AHCTF1: variants seen among roughly 807,000 people sequenced by gnomAD.
AHCTF1 encodes AT-hook containing transcription factor 1.
AHCTF1 carries 24 observed loss-of-function variants against 248.4 expected under a neutral mutation model. The ratio of observed to expected loss-of-function variants is 0.10; its 90% CI spans 0.07 to 0.14. The LOEUF is 0.14. Among genes scored for constraint, AHCTF1 ranks in the 10% least tolerant of loss-of-function variants. The pLI, the probability that AHCTF1 is intolerant of heterozygous loss-of-function variation, is 1.00. For synonymous variants in AHCTF1, 786 were observed against 929.8 expected, an observed-to-expected ratio of 0.85 and a Z score of 2.81; for missense variants, 2,206 against 2,636.2, an observed-to-expected ratio of 0.84 and a Z score of 3.57.
In AHCTF1 at chr1:246,861,126, T is replaced by C. The variant is rs372110145; in HGVS notation, c.3905A>G (p.Asp1302Gly). The C allele has an allele frequency of 1.4e-5, 22 of 1,613,886 alleles. No individual in the cohort carries two copies. Among genetic ancestry groups the C allele is most frequent in the Non-Finnish European group, 1.8e-5 (21 of 1,180,048 alleles). The change falls in exon 29 of 36, where the codon GAT (aspartate) becomes GGT (glycine). Residue 1302 changes from aspartate (D) to glycine (G), a missense_variant. This residue lies in a region of AHCTF1 where 955 missense variants were observed against 1,055.6 expected (regional missense o/e 0.90). Transcript: ENST00000648844. The stretch of plus-strand genomic sequence containing the variant: ...AACACTGCTGTTTCCTTTGCTCACA[T>C]CCAGTTTCTCTAAACTTTGTGACCC... ...DEGSQSLEKLDVSKGNSSVSI... is the reference protein window; with the variant it reads ...DEGSQSLEKLGVSKGNSSVSI...
chr1:246,872,432 A>T (rs769671308), intron 24 of AHCTF1, among the ~76,000 whole-genome samples: 72 of 152,298 alleles, frequency 4.7e-4, no homozygotes, highest in Non-Finnish European at 7.8e-4. Context: ...ACACAAAAAG[A>T]CAAATGAGGT....
rs1325407289 is a variant in AHCTF1, at chr1:246,931,589, G to T, written c.-19C>A. ...TCCCTTCCCCCTACCTGAACGGGGC[G>T]GGTGAGCGCGCCGCCGCGGGCCGAG... On this transcript the variant is annotated 5_prime_UTR_variant, in exon 1 of 36. Coordinates refer to ENST00000648844, the MANE Select transcript of AHCTF1 (RefSeq NM_001323342.2). 2.2e-5 allele frequency: 4 copies of T among 178,112 alleles called. No homozygotes were observed. The highest frequency in any genetic ancestry group is 3.3e-5 in the Non-Finnish European group (3 of 92,092). The allele number at this position is 178,112 out of a possible 1,614,324, so 11.0% of individuals were successfully genotyped here.
chr1:246,887,844 C>G (rs1663935115), intron 19 of AHCTF1, among the ~76,000 whole-genome samples: 1 of 152,168 alleles, frequency 6.6e-6, no homozygotes, highest in Admixed American at 6.5e-5. Flanking sequence ...TCATTTCCAG[C>G]ACAGAGGTTA....
intron 24 of AHCTF1, among the ~76,000 whole-genome samples, chr1:246,869,049 T>C (rs894135938): frequency 6.6e-6 from 1 of 151,626 alleles, no homozygotes; most frequent in Non-Finnish European, 1.5e-5. Flanking sequence ...TTTCACCATG[T>C]TGGCCAGGAT....
At position 246,861,948 on chromosome 1, in the gene AHCTF1, A is replaced by T. The variant is rs779549133; in HGVS notation, c.3735+11T>A. On this transcript the variant is annotated intron_variant, in intron 28 of 35. Transcript: ENST00000648844. ...AAAAATGTCTTTTCTCCCAATTATT[A>T]TCAAACTTACCCCAGGAATCCATTT... The T allele has an allele frequency of 1.9e-6, 3 of 1,602,084 alleles. No individual in the cohort carries two copies. The highest frequency in any genetic ancestry group is 2.2e-5 in the South Asian group (2 of 89,612).
At chr1:246,902,916 C>A (rs1014774752) in intron 7 of AHCTF1, among the ~76,000 whole-genome samples, 1 of 152,178 alleles carries the variant, frequency 6.6e-6, no homozygotes, top group African/African-American at 2.4e-5. Flanking sequence ...ACACAGAAGC[C>A]CTCATGCACT....
At chr1:246,874,594 C>T (rs1662810750) in intron 24 of AHCTF1, among the ~76,000 whole-genome samples, 1 of 152,108 alleles carries the variant, frequency 6.6e-6, no homozygotes, top group Non-Finnish European at 1.5e-5. Context: ...GCCTTGGATT[C>T]CTTCCCTTCA....
At chr1:246,846,256 GTA>G (rs1660249934) in intron 33 of AHCTF1, among the ~76,000 whole-genome samples, 1 of 151,414 alleles carries the variant, frequency 6.6e-6, no homozygotes, top group Non-Finnish European at 1.5e-5. Flanking sequence ...CAATCATATA[GTA>G]TACCTATACC....
At chr1:246,859,964 A>G (rs1661407479) in intron 29 of AHCTF1, among the ~76,000 whole-genome samples, 1 of 152,218 alleles carries the variant, frequency 6.6e-6, no homozygotes, top group Non-Finnish European at 1.5e-5. Context: ...GGATAAGTTA[A>G]AAATTGCAAT....
intron 7 of AHCTF1, among the ~76,000 whole-genome samples, chr1:246,903,387 A>T (rs968039634): frequency 1.3e-5 from 2 of 152,208 alleles, no homozygotes; most frequent in Non-Finnish European, 2.9e-5. Flanking sequence ...CAATTAAGCC[A>T]CAAGCTTGAA....
rs748241505 is a variant in AHCTF1, at chr1:246,895,860, A to C, written c.1689T>G (p.Gly563=). The C allele has an allele frequency of 5.4e-5, 87 of 1,613,346 alleles. No homozygotes were observed. In the East Asian group the frequency reaches 1.9e-3, roughly 36 times the overall value. ...CTTCTGTTATCCATCTTCGGATATA[A>C]CCAGTCAAAAGTCCCAGGGAACTAG... ...IQTSSLGLLT[G]YIRRWITEEQ... Residue 563 remains glycine, a synonymous_variant, in exon 13 of 36, where the codon GGT becomes GGG. Coordinates refer to ENST00000648844, the MANE Select transcript of AHCTF1 (RefSeq NM_001323342.2).
chr1:246,900,013 C>A, intron 10 of AHCTF1, 52 bp downstream of exon 10: 8 of 1,499,790 alleles, frequency 5.3e-6, no homozygotes, highest in South Asian at 3.7e-5. Flanking sequence ...TATACATTTA[C>A]ATACTTTTGT....
intron 31 of AHCTF1, among the ~76,000 whole-genome samples, chr1:246,855,183 A>C (rs560480961): frequency 6.6e-6 from 1 of 152,210 alleles, no homozygotes; most frequent in Admixed American, 6.5e-5. Context: ...AGATGATCAG[A>C]CCAATTCTGG....
chr1:246,910,443 A>G (rs1437660274), intron 4 of AHCTF1, among the ~76,000 whole-genome samples: 1 of 152,232 alleles, frequency 6.6e-6, no homozygotes, highest in Non-Finnish European at 1.5e-5. Context: ...TGGCATTATG[A>G]TTATGTAATA....
At chr1:246,926,497 G>A (rs1366410281) in intron 1 of AHCTF1, among the ~76,000 whole-genome samples, 2 of 152,028 alleles carry the variant, frequency 1.3e-5, no homozygotes, top group Non-Finnish European at 2.9e-5. Flanking sequence ...GAATCTATAG[G>A]GCAAAATTGG....
intron 24 of AHCTF1, among the ~76,000 whole-genome samples, chr1:246,869,552 A>C (rs906128128): frequency 2.0e-5 from 3 of 152,184 alleles, no homozygotes; most frequent in African/African-American, 7.2e-5. Context: ...TGATGACTTT[A>C]AATTAAAGGC....
intron 1 of AHCTF1, among the ~76,000 whole-genome samples, chr1:246,930,545 C>T (rs1427795979): frequency 6.6e-6 from 1 of 151,572 alleles, no homozygotes; most frequent in Admixed American, 6.6e-5. Flanking sequence ...TTTCTTCTCT[C>T]CTAAGAGACT....
chr1:246,844,628 G>A (rs1019148598), intron 33 of AHCTF1, among the ~76,000 whole-genome samples: 3 of 152,186 alleles, frequency 2.0e-5, no homozygotes, highest in African/African-American at 7.2e-5. Context: ...GGAGGCTGAG[G>A]CAGGAGGATC....
At chr1:246,873,247 A>G (rs948502057) in intron 24 of AHCTF1, among the ~76,000 whole-genome samples, 2 of 152,228 alleles carry the variant, frequency 1.3e-5, no homozygotes, top group Non-Finnish European at 2.9e-5. Flanking sequence ...CTGTAAAAGA[A>G]AAAAATCTTA....
Sources: gnomAD v4.1 joint callset for allele counts (sites outside exome capture counted in the v4.1 genomes callset) on GRCh38, gnomAD v4.1.1 for gene constraint, gnomAD v4.1.1 regional missense constraint, MANE v1.5 for transcripts, NCBI Gene and HGNC (gene_info 2026-07-23, HGNC 2026-07-21) for gene names.